The following RAP1GAP2 variants were observed in gnomAD, a reference collection of about 807,000 sequenced individuals.
The protein encoded by RAP1GAP2 is rap1 GTPase-activating protein 2.
Under a neutral mutation model 95.0 loss-of-function variants are expected in RAP1GAP2, and 27 were observed. The observed-to-expected ratio is 0.28, with a 90% CI of 0.21 to 0.39. The LOEUF (loss-of-function observed/expected upper bound fraction) is 0.39, where lower values mean the gene tolerates loss of function less well. Among genes scored for constraint, RAP1GAP2 ranks in the 10% least tolerant of loss-of-function variants. The pLI is 1.00. For synonymous variants in RAP1GAP2, 373 were observed against 380.9 expected, an observed-to-expected ratio of 0.98 and a Z score of 0.24; for missense variants, 771 against 970.0, an observed-to-expected ratio of 0.79 and a Z score of 2.72.
At position 3,004,243 on chromosome 17, in the gene RAP1GAP2, G is replaced by A. The variant is rs1411791507; in HGVS notation, c.1201-1126G>A. ...CCGAACGCGCACCATTTCCTGACTC[G>A]GGGCACTGCAGTTTGGGCTGGGCAG... On this transcript the variant is annotated intron_variant, in intron 14 of 24. Transcript: ENST00000254695. This position sits in a 1 kb window ranked among gnomAD's most constrained non-coding sequence, Gnocchi z 4.1. 1.3e-5 allele frequency among the ~76,000 whole-genome samples: 2 copies of A among 152,236 alleles called. No individual in the cohort carries two copies. Among genetic ancestry groups the A allele is most frequent in the African/African-American group, 4.8e-5 (2 of 41,468 alleles).
upstream of RAP1GAP2, among the ~76,000 whole-genome samples, chr17:2,772,224 A>G (rs1190647016): frequency 6.6e-6 from 1 of 152,020 alleles, no homozygotes; most frequent in African/African-American, 2.4e-5. Context: ...CTGACCTCAG[A>G]TGATCCACCC....
At chr17:2,766,062 T>C (rs1405206160) in intron 1 of RAP1GAP2, among the ~76,000 whole-genome samples, 1 of 152,128 alleles carries the variant, frequency 6.6e-6, no homozygotes, top group Non-Finnish European at 1.5e-5. Flanking sequence ...CACTGCATTA[T>C]GTGGAGGAGA....
intron 10 of RAP1GAP2, among the ~76,000 whole-genome samples, 160 bp from the exon 11 acceptor site, chr17:2,984,821 CTG>C (rs1313796748): frequency 6.6e-6 from 1 of 152,050 alleles, no homozygotes; most frequent in Admixed American, 6.6e-5. Flanking sequence ...TGCGGCCTGA[CTG>C]TCTACTTATT....
chr17:2,756,399 G>C lies in RAP1GAP2; in HGVS notation c.50+632G>C, dbSNP rs563086012. On this transcript the variant is annotated intron_variant, in intron 1 of 25. Transcript: ENST00000637138. ...GGGAAGTCAGAGCCTGCGGTGTCAG[G>C]TTACCGGACTGCAAGCTCAGAGGGT... is the stretch of plus-strand genomic sequence containing the variant. 2.5e-3 allele frequency among the ~76,000 whole-genome samples: 381 copies of C among 152,324 alleles called. 1 individual carries two copies. The highest frequency in any genetic ancestry group is 3.2e-3 in the Admixed American group (49 of 15,304).
At chr17:2,954,921 T>C (rs1259179275) in intron 3 of RAP1GAP2, among the ~76,000 whole-genome samples, 1 of 152,172 alleles carries the variant, frequency 6.6e-6, no homozygotes, top group Non-Finnish European at 1.5e-5. Flanking sequence ...TTTGGTGTAA[T>C]GCACTCAAGG....
chr17:2,798,428 GC>G (rs2069154690), intron 1 of RAP1GAP2, among the ~76,000 whole-genome samples: 1 of 152,152 alleles, frequency 6.6e-6, no homozygotes, highest in Admixed American at 6.5e-5. Context: ...GGATGGCGGG[GC>G]CTTCTGGGCT....
chr17:2,934,806 T>A (rs947849892), intron 3 of RAP1GAP2, among the ~76,000 whole-genome samples: 2 of 152,214 alleles, frequency 1.3e-5, no homozygotes, highest in Non-Finnish European at 2.9e-5. Flanking sequence ...TTTGACGAAA[T>A]CTGGTGCGTG....
rs547082875 is a variant in RAP1GAP2 at position 2,841,116 on chromosome 17, C to T, written c.80+40566C>T. On this transcript the variant is annotated intron_variant, in intron 2 of 24. Coordinates refer to ENST00000254695, the MANE Select transcript of RAP1GAP2 (RefSeq NM_015085.5). ...GTTGCAGTGAGCCGAGATTGCGCCACTGCACTCCAGCCTGGGCAAGAAGAG... is the reference window on the plus strand; with the variant it reads ...GTTGCAGTGAGCCGAGATTGCGCCATTGCACTCCAGCCTGGGCAAGAAGAG... Among the ~76,000 whole-genome samples the T allele has an allele frequency of 3.9e-5, 6 of 151,910 alleles. No homozygotes were observed. In the South Asian group the frequency reaches 8.3e-4, roughly 21 times the overall value.
chr17:2,808,327 G>A (rs533011774), intron 2 of RAP1GAP2, among the ~76,000 whole-genome samples: 2 of 152,288 alleles, frequency 1.3e-5, no homozygotes, highest in South Asian at 4.1e-4. Context: ...TCCTGTGAGC[G>A]CTGGGTGGAT....
chr17:2,965,148 G>C lies in RAP1GAP2; in HGVS notation c.493-392G>C. On this transcript the variant is annotated intron_variant, in intron 7 of 24. Transcript: ENST00000254695. This position sits in a 1 kb window ranked among gnomAD's most constrained non-coding sequence, Gnocchi z 4.7. ...CCCATGGGAATGAGAATGTGGACTC[G>C]GTATCTTGTGGTTAAGAACTTGCCC... 1 of 201,324 alleles carries C rather than the reference G, an allele frequency of 5.0e-6. No individual in the cohort carries two copies. The highest frequency in any genetic ancestry group is 8.8e-5 in the South Asian group (1 of 11,304). The allele number at this position is 201,324 out of a possible 1,614,324, so 12.5% of individuals were successfully genotyped here. A position where few individuals can be genotyped will look rare whatever the true frequency, so the allele number is the denominator to read the frequency against.
At chr17:2,900,962 C>A (rs1237213174) in intron 2 of RAP1GAP2, among the ~76,000 whole-genome samples, 1 of 152,150 alleles carries the variant, frequency 6.6e-6, no homozygotes, top group Non-Finnish European at 1.5e-5. Context: ...GAGGCAGAGC[C>A]CTCCGAGGGT....
At chr17:2,982,823 TAATGG>T (rs2045415875) in intron 10 of RAP1GAP2, among the ~76,000 whole-genome samples, 1 of 152,120 alleles carries the variant, frequency 6.6e-6, no homozygotes, top group Non-Finnish European at 1.5e-5. Flanking sequence ...GCCTTGGTCA[TAATGG>T]AAGAGCAGCT....
In RAP1GAP2 at chr17:2,963,761, C is replaced by T; in HGVS notation, c.280-95C>T. 2 of 1,148,000 alleles carry T rather than the reference C, an allele frequency of 1.7e-6. No homozygotes were observed. The highest frequency in any genetic ancestry group is 2.4e-6 in the Non-Finnish European group (2 of 818,486). 71.1% of individuals were successfully genotyped at this position (1,148,000 alleles called of 1,614,324 possible). A position where few individuals can be genotyped will look rare whatever the true frequency, so the allele number is the denominator to read the frequency against. Reference sequence around the variant, plus strand: ...CCTCAAGTACCAGTGGGTACCAGGCCCCACTCCTGGGAGCAGCGCAGAGGG... The same window carrying T: ...CCTCAAGTACCAGTGGGTACCAGGCTCCACTCCTGGGAGCAGCGCAGAGGG... On this transcript the variant is annotated intron_variant, in intron 6 of 24. Transcript: ENST00000254695. The surrounding 1 kb of genome is among the most constrained non-coding windows in gnomAD (Gnocchi z 4.8).
rs1321310411 is a variant in RAP1GAP2, at chr17:2,902,279, C to T, written c.81-3005C>T. Among the ~76,000 whole-genome samples, 2 of 151,850 alleles carry T rather than the reference C, an allele frequency of 1.3e-5. No individual in the cohort carries two copies. The highest frequency in any genetic ancestry group is 2.9e-5 in the Non-Finnish European group (2 of 67,966). The stretch of plus-strand genomic sequence containing the variant: ...TCACCCGAGCTGGAGTGCAGTGGCA[C>T]GATCTCAGCTCACTGCAACCTCCAC... On this transcript the variant is annotated intron_variant, in intron 2 of 24. Transcript: ENST00000254695. The surrounding 1 kb of genome is among the most constrained non-coding windows in gnomAD (Gnocchi z 4.1).
Position 3,026,444 on chromosome 17 carries a change from A to G in RAP1GAP2, c.1960A>G (p.Met654Val), listed in dbSNP as rs1340707769. Residue 654 changes from methionine to valine, a missense_variant, in exon 21 of 25, where the codon ATG becomes GTG. By Grantham distance (21) the Met-to-Val change is conservative. Coordinates refer to ENST00000254695, the MANE Select transcript of RAP1GAP2 (RefSeq NM_015085.5). ...VSSTAGEGEA[M>V]EEGDSGGSQP... ...CAGCACTGCAGGGGAGGGCGAGGCC[A>G]TGGAGGAGGGCGACAGTGGGGTAGG... 42 of 1,551,654 alleles carry G rather than the reference A, an allele frequency of 2.7e-5. No homozygotes were observed. In the East Asian group the frequency reaches 1.0e-3, roughly 38 times the overall value.
intron 3 of RAP1GAP2, among the ~76,000 whole-genome samples, chr17:2,924,175 TG>T (rs1490905328): frequency 2.0e-5 from 3 of 152,054 alleles, no homozygotes; most frequent in Non-Finnish European, 2.9e-5. Context: ...GAGAGCCAGG[TG>T]ATTTTGGAGG....
At chr17:3,007,392 A>G (rs185732508) in intron 16 of RAP1GAP2, among the ~76,000 whole-genome samples, 1 of 152,286 alleles carries the variant, frequency 6.6e-6, no homozygotes, top group Non-Finnish European at 1.5e-5. Context: ...AGCTATTTAC[A>G]GGAATGCAGG....
At chr17:2,879,117 CTTTT>C (rs67861792) in intron 2 of RAP1GAP2, among the ~76,000 whole-genome samples, 3 of 140,848 alleles carry the variant, frequency 2.1e-5, no homozygotes, top group Non-Finnish European at 3.1e-5. Flanking sequence ...CCAAGCCCTT[CTTTT>C]TTTTTTTTTT....
chr17:2,877,769 G>C (rs1336826902), intron 2 of RAP1GAP2, among the ~76,000 whole-genome samples: 1 of 152,188 alleles, frequency 6.6e-6, no homozygotes, highest in African/African-American at 2.4e-5. Context: ...TGGTTTTAGT[G>C]AATGAATGCT....
Sources: gnomAD v4.1 joint callset for allele counts (sites outside exome capture counted in the v4.1 genomes callset) on GRCh38, gnomAD v4.1.1 for gene constraint, Gnocchi (gnomAD v3.1) non-coding constraint, MANE v1.5 for transcripts, NCBI Gene and HGNC (gene_info 2026-07-23, HGNC 2026-07-21) for gene names.